Variants in ISY1 observed in about 807,000 individuals in gnomAD.
The protein encoded by ISY1 is ISY1 spliceosome associated protein.
A neutral mutation model predicts 54.4 loss-of-function variants in ISY1; 12 were observed. That is an observed-to-expected ratio of 0.22 (90% confidence interval 0.14 to 0.36). The LOEUF (loss-of-function observed/expected upper bound fraction) is 0.36, where lower values mean the gene tolerates loss of function less well. Among genes scored for constraint, ISY1 ranks in the 10% least tolerant of loss-of-function variants. ISY1 has a pLI of 1.00. For synonymous variants in ISY1, 96 were observed against 117.9 expected (o/e 0.81, Z 1.20); for missense variants, 282 against 342.2 (o/e 0.82, Z 1.39).
rs189335851 is a variant in ISY1, at chr3:129,156,777, G to T, written c.144+78C>A. Reference sequence around the variant, plus strand: ...GTATTTAAAAATACTTAGACTTTTGGTCTAACAGTCATTTAGATAATAAGA... The same window carrying T: ...GTATTTAAAAATACTTAGACTTTTGTTCTAACAGTCATTTAGATAATAAGA... On this transcript the variant is annotated intron_variant, in intron 4 of 10. Transcript: ENST00000393295. 140 of 1,574,550 alleles carry T rather than the reference G, an allele frequency of 8.9e-5. No individual in the cohort carries two copies. In the African/African-American group the frequency reaches 1.8e-3, roughly 20 times the overall value.
chr3:129,156,634 A>G lies in ISY1; in HGVS notation c.186T>C (p.Asn62=). ...EISKKVAQIQ[N]AGLGEFRIRD... ...CTTTAAAGGAACAAGTTTGCTTACCATTCTGAATCTGAGCCACTTTTTTAG... is the reference window on the plus strand; with the variant it reads ...CTTTAAAGGAACAAGTTTGCTTACCGTTCTGAATCTGAGCCACTTTTTTAG... Residue 62 remains asparagine, a splice_region_variant and synonymous_variant, in exon 5 of 11, where the codon AAT becomes AAC. Transcript: ENST00000393295. The G allele has an allele frequency of 6.2e-7, 1 of 1,611,734 alleles. No individual in the cohort carries two copies. Among genetic ancestry groups the G allele is most frequent in the Non-Finnish European group, 8.5e-7 (1 of 1,179,102 alleles).
At position 129,134,153 on chromosome 3, in the gene ISY1, G is replaced by C; in HGVS notation, c.584C>G (p.Ala195Gly). ...LVEKWKAERE[A>G]RLARGEKEEE... ...TTCCTTTTCTCCTCTTGCCAGCCGA[G>C]CCTCTCTCTCTGCTTTCCACTTTTC... The change falls in exon 9 of 11, where the codon GCT becomes GGT. Residue 195 changes from alanine to glycine, a missense_variant. Ala to Gly is a moderately conservative substitution (Grantham distance 60, BLOSUM62 0). Coordinates refer to ENST00000393295, the MANE Select transcript of ISY1 (RefSeq NM_020701.4). 1 of 1,614,112 alleles carries C rather than the reference G, an allele frequency of 6.2e-7. No homozygotes were observed. The highest frequency in any genetic ancestry group is 8.5e-7 in the Non-Finnish European group (1 of 1,180,040).
At chr3:129,131,760 T>G (rs978298179) in intron 9 of ISY1, among the ~76,000 whole-genome samples, 5 of 152,010 alleles carry the variant, frequency 3.3e-5, no homozygotes, top group Admixed American at 1.3e-4. Flanking sequence ...AATGACAAAA[T>G]CAGAGATGGA....
At chr3:129,154,550 A>T (rs1455603997) in intron 5 of ISY1, among the ~76,000 whole-genome samples, 1 of 151,948 alleles carries the variant, frequency 6.6e-6, no homozygotes, top group Non-Finnish European at 1.5e-5. Context: ...TTATGGGCAT[A>T]ACATTGTCTG....
At chr3:129,140,761 G>T (rs945553522) in intron 6 of ISY1, among the ~76,000 whole-genome samples, 5 of 151,850 alleles carry the variant, frequency 3.3e-5, no homozygotes, top group Non-Finnish European at 7.4e-5. Flanking sequence ...AGTAGAGACG[G>T]GGTTTCACCA....
intron 7 of ISY1, among the ~76,000 whole-genome samples, chr3:129,135,483 A>G (rs1413721282): frequency 2.6e-5 from 4 of 151,912 alleles, no homozygotes; most frequent in Non-Finnish European, 5.9e-5. Context: ...AAACAAAACC[A>G]GGCCGGGTGC....
At chr3:129,149,083 T>C (rs1218028571) in intron 5 of ISY1, among the ~76,000 whole-genome samples, 2 of 152,010 alleles carry the variant, frequency 1.3e-5, no homozygotes, top group African/African-American at 4.8e-5. Flanking sequence ...GGAAGACTGC[T>C]CAAGTCCAGC....
chr3:129,158,632 G>C, intron 2 of ISY1, 73 bp from the exon 3 acceptor site: 1 of 1,591,530 alleles, frequency 6.3e-7, no homozygotes, highest in Non-Finnish European at 8.6e-7. Context: ...CCATGTTCCT[G>C]TATGGGGTAG....
chr3:129,144,690 G>C lies in ISY1; in HGVS notation c.300+1071C>G, dbSNP rs114612621. ...TATACCATACTTATTGTTTTTTTCA[G>C]CACCTTTGTGTGCTGGCTTGTGATT... is the stretch of plus-strand genomic sequence containing the variant. On this transcript the variant is annotated intron_variant, in intron 6 of 10. Transcript: ENST00000393295. 6.2e-3 allele frequency among the ~76,000 whole-genome samples: 942 copies of C among 152,026 alleles called. 8 individuals carry two copies. Among genetic ancestry groups the C allele is most frequent in the African/African-American group, 0.022 (916 of 41,482 alleles).
At chr3:129,160,918 G>GCCCCCACCCCC in intron 1 of ISY1, 55 bp downstream of exon 1, 2 of 666,128 alleles carry the variant, frequency 3.0e-6, no homozygotes, top group Admixed American at 2.2e-5. Context: ...TGGACTGGGC[G>GCCCCCACCCCC]CCCCCCCGCC....
intron 5 of ISY1, among the ~76,000 whole-genome samples, chr3:129,152,612 T>C (rs766380129): frequency 2.6e-5 from 4 of 152,094 alleles, no homozygotes; most frequent in African/African-American, 4.8e-5. Context: ...CACCGTGTGT[T>C]AGCCAGGATG....
chr3:129,159,292 G>A (rs767008126), intron 1 of ISY1, 116 bp from the exon 2 acceptor site: 7 of 1,334,834 alleles, frequency 5.2e-6, no homozygotes, highest in Non-Finnish European at 6.2e-6. Flanking sequence ...ACCACTTGAA[G>A]TACTATATGA....
At chr3:129,149,022 C>T (rs1012861104) in intron 5 of ISY1, among the ~76,000 whole-genome samples, 1 of 152,086 alleles carries the variant, frequency 6.6e-6, no homozygotes, top group Non-Finnish European at 1.5e-5. Flanking sequence ...CTGACCAAAC[C>T]AGACATAGTG....
chr3:129,145,814 C>T lies in ISY1; in HGVS notation c.247G>A (p.Glu83Lys). 1.2e-6 allele frequency: 2 copies of T among 1,614,236 alleles called. No homozygotes were observed. Among genetic ancestry groups the T allele is most frequent in the Non-Finnish European group, 1.7e-6 (2 of 1,180,038 alleles). The change falls in exon 6 of 11, where the codon GAG (glutamate) becomes AAG (lysine). Residue 83 changes from glutamate (E) to lysine (K), a missense_variant. By Grantham distance (56) the Glu-to-Lys change is moderately conservative. Transcript: ENST00000393295. ...LNDEINKLLR[E>K]KGHWEVRIKE... ...ATCCGGACCTCCCAGTGTCCTTTCT[C>T]CCTTAGCAGCTTGTTAATTTCATCA...
In ISY1 at chr3:129,159,032, T is replaced by C. The variant is rs563896419; in HGVS notation, c.26+122A>G. The C allele has an allele frequency of 1.1e-5, 14 of 1,262,544 alleles. No homozygotes were observed. In the African/African-American group the frequency reaches 1.8e-4, roughly 16 times the overall value. The allele number at this position is 1,262,544 out of a possible 1,614,324, so 78.2% of individuals were successfully genotyped here. A position where few individuals can be genotyped will look rare whatever the true frequency, so the allele number is the denominator to read the frequency against. ...TTTTTGCATATGTAAGAACATAACA[T>C]ATGTAAAGAAAGAAACAGCTTCTCA... is the stretch of plus-strand genomic sequence containing the variant. On this transcript the variant is annotated intron_variant, in intron 2 of 10. Transcript: ENST00000393295.
At position 129,128,885 on chromosome 3, in the gene ISY1, G is replaced by C. The variant is rs971341516; in HGVS notation, c.*1196C>G. 1 of 152,504 alleles carries C rather than the reference G, an allele frequency of 6.6e-6. No individual in the cohort carries two copies. The highest frequency in any genetic ancestry group is 1.5e-5 in the Non-Finnish European group (1 of 68,272). The allele number at this position is 152,504 out of a possible 1,614,324, so 9.4% of individuals were successfully genotyped here. A position where few individuals can be genotyped will look rare whatever the true frequency, so the allele number is the denominator to read the frequency against. ...GCTGACCATGGTTCCCCACTGGAGA[G>C]CTAAGCCCCAGTTCAGAGGAAGCTC... is the stretch of plus-strand genomic sequence containing the variant. On this transcript the variant is annotated 3_prime_UTR_variant, in exon 11 of 11. Transcript: ENST00000393295.
intron 5 of ISY1, among the ~76,000 whole-genome samples, chr3:129,155,295 A>T (rs2107619257): frequency 6.6e-6 from 1 of 151,578 alleles, no homozygotes; most frequent in South Asian, 2.1e-4. Context: ...CCCGGGTTCA[A>T]GCGATTCTCC....
Position 129,134,949 on chromosome 3 carries a change from G to A in ISY1, c.424C>T (p.Pro142Ser). 6.2e-7 allele frequency: 1 copy of A among 1,605,706 alleles called. No homozygotes were observed. The highest frequency in any genetic ancestry group is 8.5e-7 in the Non-Finnish European group (1 of 1,175,388). Residue 142 changes from proline (P) to serine (S), a missense_variant, in exon 8 of 11, where the codon CCT becomes TCT. Around this residue, in one of 2 missense-constraint regions of ISY1, gnomAD observed 279 missense variants for 323.6 expected, o/e 0.86. Coordinates refer to ENST00000393295, the MANE Select transcript of ISY1 (RefSeq NM_020701.4). The stretch of plus-strand genomic sequence containing the variant: ...TCAGCACGTGTCTTTCTGGGAGGAG[G>A]AAGAGCTATAAGAAACAGAAATGGA... The part of the protein sequence containing the change: ...VRELFEKEPL[P>S]PPRKTRAELM...
At chr3:129,138,769 T>A (rs1936511751) in intron 7 of ISY1, among the ~76,000 whole-genome samples, 1 of 149,494 alleles carries the variant, frequency 6.7e-6, no homozygotes, top group African/African-American at 2.5e-5. Flanking sequence ...GAGCCGAGAT[T>A]GCACAACTAC....
Sources: gnomAD v4.1 joint callset for allele counts (sites outside exome capture counted in the v4.1 genomes callset) on GRCh38, gnomAD v4.1.1 for gene constraint, gnomAD v4.1.1 regional missense constraint, MANE v1.5 for transcripts, NCBI Gene and HGNC (gene_info 2026-07-23, HGNC 2026-07-21) for gene names.